The following LAMA3 variants were observed in gnomAD, a reference collection of about 807,000 sequenced individuals.
LAMA3 encodes the protein laminin subunit alpha-3.
LAMA3 carries 281 observed loss-of-function variants against 402.0 expected under a neutral mutation model. The ratio of observed to expected loss-of-function variants is 0.70; its 90% CI spans 0.63 to 0.77. The LOEUF (loss-of-function observed/expected upper bound fraction) is 0.77, where lower values mean the gene tolerates loss of function less well. LAMA3 is among the 30% of genes least tolerant of loss of function. The pLI is 0.00. For missense variants in LAMA3, 3,840 were observed against 4,215.5 expected, an observed-to-expected ratio of 0.91 and a Z score of 2.47; for synonymous variants, 1,431 against 1,558.4, an observed-to-expected ratio of 0.92 and a Z score of 1.93.
chr18:23,910,714 A>T (rs560011321), intron 55 of LAMA3, among the ~76,000 whole-genome samples: 36 of 152,220 alleles, frequency 2.4e-4, no homozygotes, highest in Non-Finnish European at 4.0e-4. Context: ...GATTTTTTTT[A>T]AAAAAAGCCA....
Position 23,698,890 on chromosome 18 carries a change from A to C in LAMA3, c.294+8913A>C, listed in dbSNP as rs552344198. 4.6e-5 allele frequency among the ~76,000 whole-genome samples: 7 copies of C among 152,318 alleles called. No individual in the cohort carries two copies. In the South Asian group the frequency reaches 6.2e-4, roughly 14 times the overall value. On this transcript the variant is annotated intron_variant, in intron 1 of 74. Coordinates refer to ENST00000313654, the MANE Select transcript of LAMA3 (RefSeq NM_198129.4). ...AGACTGTAGCCGTTGAGTAAATATAATAATTGTAGGTTGTTATTTTGCCTT... is the reference window on the plus strand; with the variant it reads ...AGACTGTAGCCGTTGAGTAAATATACTAATTGTAGGTTGTTATTTTGCCTT...
At chr18:23,718,597 C>T (rs1293991032) in intron 2 of LAMA3, among the ~76,000 whole-genome samples, 2 of 152,166 alleles carry the variant, frequency 1.3e-5, no homozygotes, top group Non-Finnish European at 2.9e-5. Context: ...GAGAAGGTGA[C>T]GTTGCCCCTG....
At chr18:23,949,162 A>T (rs1339136440) in intron 70 of LAMA3, among the ~76,000 whole-genome samples, 1 of 152,174 alleles carries the variant, frequency 6.6e-6, no homozygotes. Context: ...ACGCAAGCCC[A>T]CTGTCAATGC....
In LAMA3 at chr18:23,950,016, T is replaced by C; in HGVS notation, c.9512-13T>C. On this transcript the variant is annotated splice_polypyrimidine_tract_variant and intron_variant, in intron 71 of 74. Transcript: ENST00000313654. ...GTGATGCTTTAACTTTTGCTTTGTTTCTCTTTTGAAAGCTCACTCTGTATT... is the reference window on the plus strand; with the variant it reads ...GTGATGCTTTAACTTTTGCTTTGTTCCTCTTTTGAAAGCTCACTCTGTATT... 1 of 1,614,192 alleles carries C rather than the reference T, an allele frequency of 6.2e-7. No homozygotes were observed. The highest frequency in any genetic ancestry group is 8.5e-7 in the Non-Finnish European group (1 of 1,180,042).
chr18:23,939,018 C>G (rs2082400552), intron 67 of LAMA3, among the ~76,000 whole-genome samples: 5 of 152,128 alleles, frequency 3.3e-5, no homozygotes, highest in Non-Finnish European at 7.4e-5. Flanking sequence ...AAAGAATGAG[C>G]TCTCCATTCT....
At chr18:23,784,837 C>T (rs1598788171) in intron 12 of LAMA3, among the ~76,000 whole-genome samples, 1 of 152,154 alleles carries the variant, frequency 6.6e-6, no homozygotes, top group Non-Finnish European at 1.5e-5. Context: ...CTTCTTTCTG[C>T]AGACAATGGT....
rs540179310 is a variant in LAMA3, at chr18:23,842,434, C to T, written c.3376C>T (p.Arg1126Ter). Residue 1126 changes from arginine to a stop codon, truncating the protein, a stop_gained, in exon 28 of 75, where the codon CGA becomes TGA. Coordinates refer to ENST00000313654, the MANE Select transcript of LAMA3 (RefSeq NM_198129.4). LOFTEE classifies it high-confidence loss of function. ...TLRGRVPHLG[R>*]YVFVIHFYQA... The stretch of plus-strand genomic sequence containing the variant: ...GAGAGGACGTGTACCACACCTGGGC[C>T]GATACGTCTTTGTCATCCATTTTTA... 18 of 1,614,088 alleles carry T rather than the reference C, an allele frequency of 1.1e-5. No individual in the cohort carries two copies. The highest frequency in any genetic ancestry group is 2.2e-5 in the East Asian group (1 of 44,880).
chr18:23,784,082 C>T lies in LAMA3; in HGVS notation c.1528C>T (p.Leu510=). Residue 510 remains leucine (L), a synonymous_variant, in exon 12 of 75, where the codon CTG becomes TTG. Coordinates refer to ENST00000313654, the MANE Select transcript of LAMA3 (RefSeq NM_198129.4). Reference sequence around the variant, plus strand: ...AATATGTGATGCCCACGGACGGTGCCTGTGCCGCCCTGGGGTTGAGGGCCC... The same window carrying T: ...AATATGTGATGCCCACGGACGGTGCTTGTGCCGCCCTGGGGTTGAGGGCCC... ...PEICDAHGRC[L]CRPGVEGPRC... 1.2e-6 allele frequency: 2 copies of T among 1,614,106 alleles called. No homozygotes were observed. Among genetic ancestry groups the T allele is most frequent in the Non-Finnish European group, 1.7e-6 (2 of 1,180,004 alleles).
At chr18:23,867,369 C>A (rs2064384154) in intron 36 of LAMA3, among the ~76,000 whole-genome samples, 1 of 151,914 alleles carries the variant, frequency 6.6e-6, no homozygotes, top group African/African-American at 2.4e-5. Flanking sequence ...CCAGCCTGGC[C>A]AACATGGTGA....
chr18:23,810,296 C>G, intron 12 of LAMA3, 70 bp from the exon 13 acceptor site: 2 of 1,575,754 alleles, frequency 1.3e-6, no homozygotes, highest in Non-Finnish European at 1.7e-6. Flanking sequence ...ATGCTCTGCT[C>G]CGGGACGTGG....
chr18:23,935,223 G>A (rs2082277282), intron 67 of LAMA3, among the ~76,000 whole-genome samples: 1 of 152,226 alleles, frequency 6.6e-6, no homozygotes, highest in African/African-American at 2.4e-5. Flanking sequence ...CACCCAGTCT[G>A]GGTTATTGGA....
chr18:23,902,991 T>C lies in LAMA3; in HGVS notation c.6202-18T>C. The C allele has an allele frequency of 6.8e-7, 1 of 1,470,254 alleles. No individual in the cohort carries two copies. The highest frequency in any genetic ancestry group is 1.4e-5 in the African/African-American group (1 of 72,156). The allele number at this position is 1,470,254 out of a possible 1,614,324, so 91.1% of individuals were successfully genotyped here. On this transcript the variant is annotated intron_variant, in intron 48 of 74. Transcript: ENST00000313654. ...AATATATCATAGAGCTCAAGCAATT[T>C]TTTTTTATTTTCTCCAGAGACAAGT...
At chr18:23,847,782 T>A in intron 32 of LAMA3, 114 bp downstream of exon 32, 1 of 1,085,656 alleles carries the variant, frequency 9.2e-7, no homozygotes, top group Non-Finnish European at 1.4e-6. Flanking sequence ...TGCCCTGTGT[T>A]GACCTCGGCA....
Position 23,945,480 on chromosome 18 carries a change from A to T in LAMA3, c.9211-664A>T, listed in dbSNP as rs139222105. Among the ~76,000 whole-genome samples, 4 of 152,280 alleles carry T rather than the reference A, an allele frequency of 2.6e-5. 1 individual carries two copies. The East Asian group carries it at 5.8e-4, about 22-fold the overall frequency. On this transcript the variant is annotated intron_variant, in intron 69 of 74. Coordinates refer to ENST00000313654, the MANE Select transcript of LAMA3 (RefSeq NM_198129.4). ...TGTGGCCAGGAGGAGAGCAGTTCAGAGCTGGGGGAGAATGAGGATTTCTGT... is the reference window on the plus strand; with the variant it reads ...TGTGGCCAGGAGGAGAGCAGTTCAGTGCTGGGGGAGAATGAGGATTTCTGT...
chr18:23,734,761 G>A (rs892154826), intron 2 of LAMA3, among the ~76,000 whole-genome samples: 11 of 152,212 alleles, frequency 7.2e-5, no homozygotes, highest in African/African-American at 2.4e-4. Context: ...GGAGCAACCA[G>A]TCCTGGGTTT....
chr18:23,772,635 G>A (rs2062226545), intron 8 of LAMA3, among the ~76,000 whole-genome samples: 1 of 152,228 alleles, frequency 6.6e-6, no homozygotes, highest in Admixed American at 6.5e-5. Context: ...AGAAAAGTCT[G>A]TAGTTAATAA....
At chr18:23,718,798 C>CA (rs2061157586) in intron 2 of LAMA3, among the ~76,000 whole-genome samples, 1 of 152,238 alleles carries the variant, frequency 6.6e-6, no homozygotes, top group East Asian at 1.9e-4. Context: ...CAAGGGCCTG[C>CA]ATCTGACTTT....
intron 7 of LAMA3, among the ~76,000 whole-genome samples, chr18:23,761,636 G>T (rs1042123066): frequency 6.6e-6 from 1 of 152,176 alleles, no homozygotes; most frequent in Admixed American, 6.5e-5. Context: ...GCTATTGTTA[G>T]TAGTAGTAAT....
intron 35 of LAMA3, among the ~76,000 whole-genome samples, chr18:23,864,365 T>TGAGTCCCTGTAACTGAGTA (rs2064300340): frequency 6.6e-6 from 1 of 152,100 alleles, no homozygotes; most frequent in South Asian, 2.1e-4. Flanking sequence ...TAACTGGGAC[T>TGAGTCCCTGTAACTGAGTA]ACAGGTGTGC....
Sources: gnomAD v4.1 joint callset for allele counts (sites outside exome capture counted in the v4.1 genomes callset) on GRCh38, gnomAD v4.1.1 for gene constraint, MANE v1.5 for transcripts, NCBI Gene and HGNC (gene_info 2026-07-23, HGNC 2026-07-21) for gene names.